The following IMMP2L variants were observed in gnomAD, a reference collection of about 807,000 sequenced individuals.
The protein encoded by IMMP2L is mitochondrial inner membrane protease subunit 2.
In IMMP2L, 18 loss-of-function variants were observed where a neutral mutation model predicts 19.3. That is an observed-to-expected ratio of 0.93 (90% CI 0.64 to 1.38). The LOEUF (loss-of-function observed/expected upper bound fraction) is 1.38. Ranked by LOEUF, IMMP2L falls within the 40% of genes most tolerant of loss-of-function variation. The probability of loss-of-function intolerance (pLI) is 0.00; values close to 1 mark genes in which losing one functional copy is unlikely to be tolerated. For synonymous variants in IMMP2L, 76 were observed against 73.0 expected (o/e 1.04, Z -0.21); for missense variants, 233 against 218.2 (o/e 1.07, Z -0.43).
At chr7:111,221,887 G>C (rs1046674407) in intron 3 of IMMP2L, among the ~76,000 whole-genome samples, 1 of 151,968 alleles carries the variant, frequency 6.6e-6, no homozygotes, top group African/African-American at 2.4e-5. Context: ...TTAGGCCAAA[G>C]ACACGCAGCT....
intron 3 of IMMP2L, among the ~76,000 whole-genome samples, chr7:111,169,796 T>C (rs1327703392): frequency 6.6e-6 from 1 of 151,846 alleles, no homozygotes; most frequent in African/African-American, 2.4e-5. Flanking sequence ...GAGACACAAT[T>C]CAACACATAA....
rs368455196 is a variant in IMMP2L, at chr7:111,141,436, C to CTT, written c.240-177873_240-177872dup. Among the ~76,000 whole-genome samples the CTT allele has an allele frequency of 1.9e-3, 283 of 150,876 alleles. 2 individuals carry two copies. The highest frequency in any genetic ancestry group is 6.8e-3 in the Middle Eastern group (2 of 292). On this transcript the variant is annotated intron_variant, in intron 3 of 5. Transcript: ENST00000405709. ...CACATAGTATGCCAGGGTTACATTT[C>CTT]TTTCTTTTTTTTTTGTATAATTTTG... is the stretch of plus-strand genomic sequence containing the variant.
chr7:111,104,533 A>G (rs748329764), intron 3 of IMMP2L, among the ~76,000 whole-genome samples: 12 of 151,826 alleles, frequency 7.9e-5, no homozygotes, highest in Non-Finnish European at 1.8e-4. Context: ...AGGGGACATT[A>G]TATGTGAAAC....
intron 5 of IMMP2L, among the ~76,000 whole-genome samples, chr7:110,683,741 G>C (rs78891609): frequency 0.02 from 3,035 of 152,208 alleles, 103 homozygotes; most frequent in African/African-American, 0.07. Flanking sequence ...TTTAGTCCCT[G>C]AATATATAGA....
chr7:111,184,031 A>T (rs1304548545), intron 3 of IMMP2L, among the ~76,000 whole-genome samples: 1 of 152,072 alleles, frequency 6.6e-6, no homozygotes, highest in Admixed American at 6.6e-5. Context: ...GGGACAATAT[A>T]AGTTATCCAG....
intron 5 of IMMP2L, among the ~76,000 whole-genome samples, chr7:110,722,470 G>A (rs556085130): frequency 2.0e-5 from 3 of 152,104 alleles, no homozygotes; most frequent in African/African-American, 4.8e-5. Flanking sequence ...CCCATCTAAT[G>A]TCTAGAGCTA....
At chr7:110,972,286 T>C (rs1305214213) in intron 3 of IMMP2L, among the ~76,000 whole-genome samples, 4 of 152,140 alleles carry the variant, frequency 2.6e-5, no homozygotes, top group African/African-American at 9.7e-5. Context: ...CTAGCTCCAG[T>C]TGCTACATTA....
At chr7:111,035,714 C>T (rs539150656) in intron 3 of IMMP2L, among the ~76,000 whole-genome samples, 15 of 152,128 alleles carry the variant, frequency 9.9e-5, no homozygotes, top group Non-Finnish European at 1.8e-4. Flanking sequence ...TTGCACATCA[C>T]GTTAGATAAC....
intron 5 of IMMP2L, among the ~76,000 whole-genome samples, chr7:110,822,726 AAAGGTTAG>A (rs1803143280): frequency 6.6e-6 from 1 of 152,144 alleles, no homozygotes; most frequent in African/African-American, 2.4e-5. Context: ...TGAAACTTAG[AAAGGTTAG>A]AAGTCTATAA....
At chr7:111,087,567 T>G (rs1158246731) in intron 3 of IMMP2L, among the ~76,000 whole-genome samples, 2 of 152,016 alleles carry the variant, frequency 1.3e-5, no homozygotes, top group African/African-American at 2.4e-5. Flanking sequence ...TTAATATATA[T>G]AAAATATACA....
At chr7:110,724,845 C>T (rs140657496) in intron 5 of IMMP2L, among the ~76,000 whole-genome samples, 2 of 152,288 alleles carry the variant, frequency 1.3e-5, no homozygotes, top group Non-Finnish European at 1.5e-5. Flanking sequence ...CCAAGAATCA[C>T]TGCTATTAAG....
chr7:111,310,516 ATTGC>A (rs1365040697), intron 3 of IMMP2L, among the ~76,000 whole-genome samples: 2 of 152,132 alleles, frequency 1.3e-5, no homozygotes, highest in Non-Finnish European at 2.9e-5. Context: ...TCAAATACAT[ATTGC>A]TTTAAGCACT....
At chr7:110,681,835 G>A (rs1309086134) in intron 5 of IMMP2L, among the ~76,000 whole-genome samples, 2 of 152,014 alleles carry the variant, frequency 1.3e-5, no homozygotes, top group Admixed American at 1.3e-4. Context: ...AGTAATTCAA[G>A]CCATTGAAGG....
chr7:111,311,897 C>T (rs956731358), intron 3 of IMMP2L, among the ~76,000 whole-genome samples: 17 of 152,220 alleles, frequency 1.1e-4, no homozygotes, highest in Non-Finnish European at 1.6e-4. Context: ...CTCTGCCACT[C>T]CAGAATTCCA....
At chr7:111,378,686 T>C (rs1279800940) in intron 3 of IMMP2L, among the ~76,000 whole-genome samples, 2 of 151,934 alleles carry the variant, frequency 1.3e-5, no homozygotes, top group African/African-American at 4.8e-5. Context: ...TAATATCCAA[T>C]TGCATTCTCA....
chr7:111,377,255 A>G (rs192296415), intron 3 of IMMP2L, among the ~76,000 whole-genome samples: 26 of 151,844 alleles, frequency 1.7e-4, no homozygotes, highest in Non-Finnish European at 2.8e-4. Context: ...AAATATATAT[A>G]TGTGTGTATG....
chr7:110,872,603 A>ACAGGTTG (rs1453130980), intron 5 of IMMP2L, among the ~76,000 whole-genome samples: 1 of 152,138 alleles, frequency 6.6e-6, no homozygotes, highest in Non-Finnish European at 1.5e-5. Flanking sequence ...GTCTACAGGT[A>ACAGGTTG]GATACCTGAT....
intron 3 of IMMP2L, among the ~76,000 whole-genome samples, chr7:111,188,296 TG>T (rs1365448306): frequency 5.3e-5 from 8 of 152,176 alleles, no homozygotes; most frequent in African/African-American, 1.4e-4. Context: ...GGGTGGCTTA[TG>T]AACAACAGGA....
chr7:111,406,519 G>A (rs1316249967), intron 3 of IMMP2L, among the ~76,000 whole-genome samples: 2 of 151,982 alleles, frequency 1.3e-5, no homozygotes, highest in Non-Finnish European at 2.9e-5. Context: ...GTGGCCTCTT[G>A]TTATATTCTA....
Sources: gnomAD v4.1 joint callset for allele counts (sites outside exome capture counted in the v4.1 genomes callset) on GRCh38, gnomAD v4.1.1 for gene constraint, MANE v1.5 for transcripts, NCBI Gene and HGNC (gene_info 2026-07-23, HGNC 2026-07-21) for gene names.